The following CEP43 variants were observed in gnomAD, a reference collection of about 807,000 sequenced individuals.
The protein encoded by CEP43 is FGFR1 oncogene partner.
Under a neutral mutation model 52.6 loss-of-function variants are expected in CEP43, and 36 were observed. That is an observed-to-expected ratio of 0.68 (90% CI 0.52 to 0.90). CEP43 has a LOEUF of 0.90. Ranked by LOEUF, CEP43 falls within the 40% of genes least tolerant of loss-of-function variation. The probability of loss-of-function intolerance (pLI) is 0.00; values close to 1 mark genes in which losing one functional copy is unlikely to be tolerated. For missense variants in CEP43, 506 were observed against 472.8 expected, an observed-to-expected ratio of 1.07 and a Z score of -0.65; for synonymous variants, 192 against 172.4, an observed-to-expected ratio of 1.11 and a Z score of -0.89.
rs1779672944 is a variant in CEP43 at position 166,999,454 on chromosome 6, G to A, written c.42G>A (p.Thr14=). 4 of 1,483,290 alleles carry A rather than the reference G, an allele frequency of 2.7e-6. No homozygotes were observed. The highest frequency in any genetic ancestry group is 2.3e-5 in the Admixed American group (1 of 43,008). 91.9% of individuals were successfully genotyped at this position (1,483,290 alleles called of 1,614,324 possible). ...CCGCAGTGGTGGCCGAGGAGGACACGGAGCTGCGGGACCTGCTGGTGCAGA... is the reference window on the plus strand; with the variant it reads ...CCGCAGTGGTGGCCGAGGAGGACACAGAGCTGCGGGACCTGCTGGTGCAGA... The part of the protein sequence containing the change: ...TAAAVVAEED[T]ELRDLLVQTL... The change falls in exon 1 of 13, where the codon ACG becomes ACA. Residue 14 remains threonine (T), a synonymous_variant. Coordinates refer to ENST00000366847, the MANE Select transcript of CEP43 (RefSeq NM_007045.4).
Position 167,041,649 on chromosome 6 carries a change from T to TG in CEP43, c.*1672dup, listed in dbSNP as rs1780697771. 1.9e-6 allele frequency: 2 copies of TG among 1,044,814 alleles called. No individual in the cohort carries two copies. Among genetic ancestry groups the TG allele is most frequent in the Admixed American group, 5.6e-5 (1 of 18,014 alleles). 64.7% of individuals were successfully genotyped at this position (1,044,814 alleles called of 1,614,324 possible). A position where few individuals can be genotyped will look rare whatever the true frequency, so the allele number is the denominator to read the frequency against. On this transcript the variant is annotated 3_prime_UTR_variant, in exon 13 of 13. Coordinates refer to ENST00000366847, the MANE Select transcript of CEP43 (RefSeq NM_007045.4). Reference sequence around the variant, plus strand: ...TGATAGGAACTAGGTTTCAGTGAAATGATTTGAAAGCATAGCAGGATGTGG... The same window carrying TG: ...TGATAGGAACTAGGTTTCAGTGAAATGGATTTGAAAGCATAGCAGGATGTGG...
intron 12 of CEP43, among the ~76,000 whole-genome samples, chr6:167,039,451 A>G (rs1370509385): frequency 6.6e-6 from 1 of 152,190 alleles, no homozygotes; most frequent in Non-Finnish European, 1.5e-5. Context: ...TTTATGGCTG[A>G]GTAGTATTCC....
rs1041282076 is a variant in CEP43, at chr6:167,051,521, A to G, written c.*11543A>G. 1 of 152,232 alleles carries G rather than the reference A, an allele frequency of 6.6e-6. No homozygotes were observed. Among genetic ancestry groups the G allele is most frequent in the Admixed American group, 6.5e-5 (1 of 15,292 alleles). The allele number at this position is 152,232 out of a possible 1,614,324, so 9.4% of individuals were successfully genotyped here. ...AATTTTCTCACTGTTAAAATTTACA[A>G]AGGCAGTTTCAAAATCTGAAACTTT... On this transcript the variant is annotated 3_prime_UTR_variant, in exon 13 of 13. Coordinates refer to ENST00000366847, the MANE Select transcript of CEP43 (RefSeq NM_007045.4).
intron 7 of CEP43, among the ~76,000 whole-genome samples, chr6:167,021,065 TAAAAAAGAAAAAAAA>T (rs954743880): frequency 1.1e-3 from 84 of 74,746 alleles, no homozygotes; most frequent in Admixed American, 5.7e-3. Flanking sequence ...GCCTGTTTCT[TAAAAAAGAAAAAAAA>T]AAAAAAGAAA....
chr6:167,019,140 C>G (rs369887301), intron 7 of CEP43, among the ~76,000 whole-genome samples: 246 of 152,258 alleles, frequency 1.6e-3, no homozygotes, highest in African/African-American at 5.6e-3. Flanking sequence ...GTTTTTGCAC[C>G]TCATGTTTAT....
chr6:167,009,467 G>A (rs866113061), intron 5 of CEP43, among the ~76,000 whole-genome samples: 13 of 119,196 alleles, frequency 1.1e-4, no homozygotes, highest in Admixed American at 5.8e-4. Context: ...CCAAGATTGC[G>A]CCTCTGCACT....
intron 10 of CEP43, chr6:167,027,927 G>C: frequency 1.0e-6 from 1 of 985,870 alleles, no homozygotes; most frequent in Non-Finnish European, 1.2e-6. Context: ...TGGAGTCCTG[G>C]TAACTGAGTT....
intron 7 of CEP43, among the ~76,000 whole-genome samples, chr6:167,016,760 G>A (rs936929017): frequency 2.0e-5 from 3 of 152,082 alleles, no homozygotes; most frequent in Non-Finnish European, 4.4e-5. Context: ...ACTTAGCCCT[G>A]TAGTAAAATT....
At chr6:167,039,498 T>C (rs2128668931) in intron 12 of CEP43, among the ~76,000 whole-genome samples, 1 of 152,348 alleles carries the variant, frequency 6.6e-6, no homozygotes, top group East Asian at 1.9e-4. Context: ...TATCCAGTTG[T>C]TGATTGATGG....
chr6:167,025,389 T>C (rs554129816), intron 9 of CEP43, among the ~76,000 whole-genome samples: 3 of 152,342 alleles, frequency 2.0e-5, no homozygotes, highest in East Asian at 3.9e-4. Context: ...TGGAATAGTC[T>C]AGCTCTGGCA....
chr6:167,024,872 C>T lies in CEP43; in HGVS notation c.897C>T (p.Ala299=), dbSNP rs1183524144. 2 of 1,606,316 alleles carry T rather than the reference C, an allele frequency of 1.2e-6. No individual in the cohort carries two copies. Among genetic ancestry groups the T allele is most frequent in the Non-Finnish European group, 1.7e-6 (2 of 1,174,274 alleles). Residue 299 remains alanine, a synonymous_variant, in exon 9 of 13, where the codon GCC becomes GCT. Transcript: ENST00000366847. ...GTGGACTCAGCTCCCTGGCGGGAGC[C>T]CCTTCTTTAAAAGACTCTGAGAGTA... ...LKSGLSSLAG[A]PSLKDSESKR...
chr6:167,028,219 C>G (rs28498561), intron 10 of CEP43: 1 of 985,286 alleles, frequency 1.0e-6, no homozygotes, highest in Non-Finnish European at 1.2e-6. Context: ...TCTGACTGCT[C>G]TATTCTCTTA....
At position 167,044,979 on chromosome 6, in the gene CEP43, A is replaced by G. The variant is rs1780769338; in HGVS notation, c.*5001A>G. 6.6e-6 allele frequency: 1 copy of G among 152,380 alleles called. No individual in the cohort carries two copies. The highest frequency in any genetic ancestry group is 1.5e-5 in the Non-Finnish European group (1 of 68,136). 9.4% of individuals were successfully genotyped at this position (152,380 alleles called of 1,614,324 possible). A position where few individuals can be genotyped will look rare whatever the true frequency, so the allele number is the denominator to read the frequency against. On this transcript the variant is annotated 3_prime_UTR_variant, in exon 13 of 13. Coordinates refer to ENST00000366847, the MANE Select transcript of CEP43 (RefSeq NM_007045.4). ...TGCATGGAGGAGCGTGGACAGTGGCATGCAGGAGGCCAGTCATTCTGCGGT... is the reference window on the plus strand; with the variant it reads ...TGCATGGAGGAGCGTGGACAGTGGCGTGCAGGAGGCCAGTCATTCTGCGGT...
chr6:167,004,134 C>G, intron 4 of CEP43, 130 bp from the exon 5 acceptor site: 2 of 996,096 alleles, frequency 2.0e-6, no homozygotes. Flanking sequence ...TTAAAATAGA[C>G]ATTTCATTCA....
At chr6:166,999,574 C>A in intron 1 of CEP43, 60 bp downstream of exon 1, 1 of 1,227,046 alleles carries the variant, frequency 8.1e-7, no homozygotes, top group Non-Finnish European at 1.1e-6. Flanking sequence ...GGACAGCGGG[C>A]GTCACAACGG....
At position 167,034,499 on chromosome 6, in the gene CEP43, C is replaced by T. The variant is rs933333257; in HGVS notation, c.1125+528C>T. ...TGTGGGTGGAGAACAGAAGATCCTT[C>T]GATGGTGAGCTGTAGCATTGCAGGG... On this transcript the variant is annotated intron_variant, in intron 12 of 12. Transcript: ENST00000366847. 7.9e-5 allele frequency among the ~76,000 whole-genome samples: 12 copies of T among 152,302 alleles called. No individual in the cohort carries two copies. In the South Asian group the frequency reaches 1.4e-3, roughly 18 times the overall value.
intron 10 of CEP43, among the ~76,000 whole-genome samples, chr6:167,030,118 TATG>T (rs1725816006): frequency 6.6e-6 from 1 of 152,252 alleles, no homozygotes; most frequent in South Asian, 2.1e-4. Flanking sequence ...ACACTGGGGA[TATG>T]ATGGCTTAGC....
rs1780757223 is a variant in CEP43, at chr6:167,044,131, A to G, written c.*4153A>G. On this transcript the variant is annotated 3_prime_UTR_variant, in exon 13 of 13. Transcript: ENST00000366847. ...GGTACCTTGATCTTGGACTTAAGCCATCTGAGCTGTGAGCCCTACACTTCC... is the reference window on the plus strand; with the variant it reads ...GGTACCTTGATCTTGGACTTAAGCCGTCTGAGCTGTGAGCCCTACACTTCC... The G allele has an allele frequency of 2.6e-5, 4 of 152,294 alleles. No individual in the cohort carries two copies. 9.4% of individuals were successfully genotyped at this position (152,294 alleles called of 1,614,324 possible).
chr6:167,028,152 C>G (rs1780393090), intron 10 of CEP43: 2 of 983,766 alleles, frequency 2.0e-6, no homozygotes, highest in Non-Finnish European at 2.4e-6. Flanking sequence ...CCTTTGTGTT[C>G]TGTTTTTTTC....
Sources: gnomAD v4.1 joint callset for allele counts (sites outside exome capture counted in the v4.1 genomes callset) on GRCh38, gnomAD v4.1.1 for gene constraint, MANE v1.5 for transcripts, NCBI Gene and HGNC (gene_info 2026-07-23, HGNC 2026-07-21) for gene names.